The following SNTG1 variants were observed in gnomAD, a reference collection of about 807,000 sequenced individuals.
SNTG1 encodes syntrophin gamma 1.
Under a neutral mutation model 74.7 loss-of-function variants are expected in SNTG1, and 39 were observed. The observed-to-expected ratio is 0.52, with a 90% CI of 0.40 to 0.68. The LOEUF is 0.68. Among genes scored for constraint, SNTG1 ranks in the 30% least tolerant of loss-of-function variants. The probability of loss-of-function intolerance (pLI) is 0.00; values close to 1 mark genes in which losing one functional copy is unlikely to be tolerated. For synonymous variants in SNTG1, 254 were observed against 217.1 expected, an observed-to-expected ratio of 1.17 and a Z score of -1.49; for missense variants, 685 against 609.5, an observed-to-expected ratio of 1.12 and a Z score of -1.30.
At chr8:50,446,660 G>A (rs181920821) in intron 5 of SNTG1, among the ~76,000 whole-genome samples, 74 of 152,158 alleles carry the variant, frequency 4.9e-4, no homozygotes, top group African/African-American at 1.7e-3. Context: ...CCTGTGAACA[G>A]AGCGAGACTC....
At chr8:50,407,099 G>A (rs894233918) in intron 4 of SNTG1, among the ~76,000 whole-genome samples, 1 of 152,042 alleles carries the variant, frequency 6.6e-6, no homozygotes, top group Non-Finnish European at 1.5e-5. Context: ...GTGTTGTATT[G>A]CCACAATACA....
intron 1 of SNTG1, among the ~76,000 whole-genome samples, chr8:50,040,086 A>G (rs544282618): frequency 6.6e-6 from 1 of 152,270 alleles, no homozygotes; most frequent in Admixed American, 6.5e-5. Flanking sequence ...TTTATAAAAC[A>G]GAGAAGTGGA....
At chr8:50,785,542 C>T (rs1404082050) in intron 18 of SNTG1, among the ~76,000 whole-genome samples, 2 of 151,952 alleles carry the variant, frequency 1.3e-5, no homozygotes, top group East Asian at 3.9e-4. Flanking sequence ...ACACTTCCCA[C>T]AAGAAAAAGC....
intron 2 of SNTG1, among the ~76,000 whole-genome samples, chr8:50,282,921 C>CT (rs1302558767): frequency 6.6e-6 from 1 of 152,136 alleles, no homozygotes; most frequent in Non-Finnish European, 1.5e-5. Context: ...TATTATTGAA[C>CT]TCATGCAAAT....
At chr8:50,539,117 G>C (rs1452418393) in intron 11 of SNTG1, among the ~76,000 whole-genome samples, 1 of 152,030 alleles carries the variant, frequency 6.6e-6, no homozygotes, top group Non-Finnish European at 1.5e-5. Context: ...GATGGTTACT[G>C]TAAAATCCTT....
intron 8 of SNTG1, among the ~76,000 whole-genome samples, chr8:50,480,485 C>A (rs2093731222): frequency 6.6e-6 from 1 of 152,268 alleles, no homozygotes; most frequent in Middle Eastern, 3.4e-3. Flanking sequence ...AGCTGGAGAG[C>A]TGCTCAGGCT....
At chr8:50,668,994 C>A (rs6989519) in intron 15 of SNTG1, among the ~76,000 whole-genome samples, 6,669 of 151,352 alleles carry the variant, frequency 0.044, 389 homozygotes, top group African/African-American at 0.12. Flanking sequence ...GGGCATATAC[C>A]CAGTAATAAG....
chr8:50,103,079 TTTTCC>T (rs2080212030), intron 1 of SNTG1, among the ~76,000 whole-genome samples: 1 of 152,094 alleles, frequency 6.6e-6, no homozygotes, highest in Non-Finnish European at 1.5e-5. Context: ...GAAAGTAGTT[TTTTCC>T]AATTCTGTGA....
intron 1 of SNTG1, among the ~76,000 whole-genome samples, chr8:50,106,520 C>A: frequency 6.6e-6 from 1 of 152,130 alleles, no homozygotes; most frequent in Non-Finnish European, 1.5e-5. Context: ...CCAGCTTTTG[C>A]TCATTCAATG....
At chr8:50,752,946 T>G (rs2095571384) in intron 18 of SNTG1, among the ~76,000 whole-genome samples, 1 of 152,012 alleles carries the variant, frequency 6.6e-6, no homozygotes, top group Admixed American at 6.6e-5. Context: ...CATTCTTGTC[T>G]CTTACTTGTC....
chr8:50,254,012 G>A (rs2086765840), intron 2 of SNTG1, among the ~76,000 whole-genome samples: 1 of 152,040 alleles, frequency 6.6e-6, no homozygotes, highest in Non-Finnish European at 1.5e-5. Context: ...TAACAGTAAG[G>A]TATTATATAT....
chr8:50,441,288 T>C (rs1398832631), intron 5 of SNTG1, among the ~76,000 whole-genome samples: 2 of 152,198 alleles, frequency 1.3e-5, no homozygotes, highest in Non-Finnish European at 2.9e-5. Flanking sequence ...CCAGGGTACC[T>C]TGTAGGGTAC....
At chr8:50,129,106 A>G (rs1311202177) in intron 1 of SNTG1, among the ~76,000 whole-genome samples, 2 of 152,134 alleles carry the variant, frequency 1.3e-5, no homozygotes. Flanking sequence ...CATTAAACTG[A>G]TTTATTTAGG....
chr8:50,170,125 T>C (rs978120084), intron 1 of SNTG1, among the ~76,000 whole-genome samples: 1 of 152,190 alleles, frequency 6.6e-6, no homozygotes, highest in Non-Finnish European at 1.5e-5. Flanking sequence ...TAATGTCTGC[T>C]CACCTCTGTG....
intron 1 of SNTG1, among the ~76,000 whole-genome samples, chr8:49,965,926 A>G (rs1389222828): frequency 6.6e-6 from 1 of 151,920 alleles, no homozygotes; most frequent in African/African-American, 2.4e-5. Flanking sequence ...AAGGGAGTCC[A>G]TTTTTGAGTT....
At chr8:49,913,530 G>T (rs2129334864) in intron 1 of SNTG1, among the ~76,000 whole-genome samples, 1 of 152,276 alleles carries the variant, frequency 6.6e-6, no homozygotes, top group Non-Finnish European at 1.5e-5. Context: ...CACTTACCAT[G>T]AACCTGCTTG....
intron 15 of SNTG1, among the ~76,000 whole-genome samples, chr8:50,695,992 AT>A (rs1484034332): frequency 6.6e-6 from 1 of 151,952 alleles, no homozygotes; most frequent in Non-Finnish European, 1.5e-5. Context: ...CAGTAGTGGA[AT>A]TGCTAGATTG....
At chr8:50,618,329 T>TC (rs1271928580) in intron 13 of SNTG1, among the ~76,000 whole-genome samples, 1 of 152,246 alleles carries the variant, frequency 6.6e-6, no homozygotes, top group Non-Finnish European at 1.5e-5. Flanking sequence ...CGTTTTTATT[T>TC]CATACTGAAA....
At chr8:50,658,305 G>C (rs1349453191) in intron 14 of SNTG1, among the ~76,000 whole-genome samples, 1 of 152,014 alleles carries the variant, frequency 6.6e-6, no homozygotes, top group African/African-American at 2.4e-5. Context: ...AGTATTTATA[G>C]GTAGAGAATG....
Sources: gnomAD v4.1 joint callset for allele counts (sites outside exome capture counted in the v4.1 genomes callset) on GRCh38, gnomAD v4.1.1 for gene constraint, MANE v1.5 for transcripts, NCBI Gene and HGNC (gene_info 2026-07-23, HGNC 2026-07-21) for gene names.